ANKLE2: variants seen among roughly 807,000 people sequenced by gnomAD.
ANKLE2 encodes ankyrin repeat and LEM domain containing 2.
ANKLE2 carries 55 observed loss-of-function variants against 84.2 expected under a neutral mutation model. That is an observed-to-expected ratio of 0.65 (90% CI 0.53 to 0.82). The LOEUF is 0.82. Ranked by LOEUF, ANKLE2 falls within the 40% of genes least tolerant of loss-of-function variation. The probability of loss-of-function intolerance (pLI) is 0.00; values close to 1 mark genes in which losing one functional copy is unlikely to be tolerated. For missense variants in ANKLE2, 1,238 were observed against 1,201.9 expected, an observed-to-expected ratio of 1.03 and a Z score of -0.44; for synonymous variants, 551 against 486.1, an observed-to-expected ratio of 1.13 and a Z score of -1.76.
intron 5 of ANKLE2, among the ~76,000 whole-genome samples, 187 bp downstream of exon 5, chr12:132,747,645 G>C (rs1287607702): frequency 6.6e-6 from 1 of 152,224 alleles, no homozygotes. Context: ...AGGGGCCAGG[G>C]AACCCCAGCG....
At position 132,729,683 on chromosome 12, in the gene ANKLE2, AAAGG is replaced by A; in HGVS notation, c.2475_2478del (p.Phe827GlufsTer51). On this transcript the variant is annotated frameshift_variant, in exon 11 of 13. Coordinates refer to ENST00000357997, the MANE Select transcript of ANKLE2 (RefSeq NM_015114.3). LOFTEE classifies it high-confidence loss of function. ...CAGAGGGCAACACACTCCTACCCAA[AAAGG>A]AAGAGCCGCCTGGCCGGTTCCCTGG... 6.3e-7 allele frequency: 1 copy of A among 1,599,506 alleles called. No individual in the cohort carries two copies. The highest frequency in any genetic ancestry group is 1.4e-5 in the African/African-American group (1 of 71,626).
At chr12:132,739,118 TGAG>T (rs2044071152) in intron 7 of ANKLE2, among the ~76,000 whole-genome samples, 2 of 151,422 alleles carry the variant, frequency 1.3e-5, no homozygotes, top group South Asian at 2.1e-4. Context: ...GTGGAGGGAG[TGAG>T]GAGGAGGGAG....
intron 5 of ANKLE2, among the ~76,000 whole-genome samples, chr12:132,744,628 T>A (rs555936159): frequency 4.5e-4 from 69 of 152,258 alleles, no homozygotes; most frequent in Non-Finnish European, 8.2e-4. Flanking sequence ...CTGTACTCCA[T>A]CCTTCTGTCC....
At chr12:132,755,545 CAA>C (rs575972417) in intron 1 of ANKLE2, 10 of 107,582 alleles carry the variant, frequency 9.3e-5, no homozygotes, top group Non-Finnish European at 7.8e-5. Flanking sequence ...AACTCCAGCT[CAA>C]AAAAAAAAAA....
At chr12:132,735,260 G>A in intron 9 of ANKLE2, 146 bp downstream of exon 9, 3 of 734,732 alleles carry the variant, frequency 4.1e-6, no homozygotes, top group Non-Finnish European at 7.0e-6. Flanking sequence ...ACATCCACAA[G>A]GAATTAGACC....
At chr12:132,741,534 C>G in intron 6 of ANKLE2, 49 bp from the exon 7 acceptor site, 1 of 1,533,636 alleles carries the variant, frequency 6.5e-7, no homozygotes, top group East Asian at 2.2e-5. Flanking sequence ...GCAACATTTC[C>G]TTATCATTAC....
chr12:132,747,999 T>A lies in ANKLE2; in HGVS notation c.1063A>T (p.Met355Leu). 1.2e-6 allele frequency: 2 copies of A among 1,600,062 alleles called. No homozygotes were observed. The highest frequency in any genetic ancestry group is 1.7e-6 in the Non-Finnish European group (2 of 1,176,116). ...TGGTTCTCTTTGGCAGCAACATGCA[T>A]CACGTTGTACCTGCACCCTTCCTGA... ...IVQEGCRYNVMHVAAKENQAS... is the reference protein window; with the variant it reads ...IVQEGCRYNVLHVAAKENQAS... The change falls in exon 5 of 13, where the codon ATG becomes TTG. Residue 355 changes from methionine (M) to leucine (L), a missense_variant. Around this residue, in one of 3 missense-constraint regions of ANKLE2, gnomAD observed 802 missense variants for 774.5 expected, o/e 1.04. Coordinates refer to ENST00000357997, the MANE Select transcript of ANKLE2 (RefSeq NM_015114.3).
chr12:132,733,734 G>A (rs1261822693), intron 10 of ANKLE2, among the ~76,000 whole-genome samples: 5 of 152,272 alleles, frequency 3.3e-5, no homozygotes, highest in South Asian at 2.1e-4. Context: ...GATACGCACC[G>A]TGCAAGGCGC....
chr12:132,746,150 C>T (rs543456512), intron 5 of ANKLE2, among the ~76,000 whole-genome samples: 1 of 152,262 alleles, frequency 6.6e-6, no homozygotes, highest in South Asian at 2.1e-4. Context: ...AGATGGAGAC[C>T]ATCCTGGCTA....
chr12:132,735,518 A>T lies in ANKLE2; in HGVS notation c.1594-6T>A. On this transcript the variant is annotated splice_region_variant and splice_polypyrimidine_tract_variant and intron_variant, in intron 8 of 12. Transcript: ENST00000357997. Reference sequence around the variant, plus strand: ...AGCTTGCGAAAATCTTCTGCCTATGAAGAAAAAAAAATGTATTGAGCCGTG... The same window carrying T: ...AGCTTGCGAAAATCTTCTGCCTATGTAGAAAAAAAAATGTATTGAGCCGTG... 6.2e-7 allele frequency: 1 copy of T among 1,610,696 alleles called. No individual in the cohort carries two copies. Among genetic ancestry groups the T allele is most frequent in the Non-Finnish European group, 8.5e-7 (1 of 1,178,864 alleles).
intron 5 of ANKLE2, among the ~76,000 whole-genome samples, chr12:132,747,437 G>A (rs1282147920): frequency 6.6e-6 from 1 of 152,038 alleles, no homozygotes; most frequent in Non-Finnish European, 1.5e-5. Context: ...TGGTTTGCAG[G>A]GGCAGCTCTG....
chr12:132,750,221 A>AG (rs1469965838), intron 3 of ANKLE2, among the ~76,000 whole-genome samples: 6 of 150,964 alleles, frequency 4.0e-5, no homozygotes, highest in Middle Eastern at 3.4e-3. Context: ...AAAAAAAAAA[A>AG]AAAGAAAAAG....
At chr12:132,727,913 C>A in intron 12 of ANKLE2, 119 bp downstream of exon 12, 20 of 1,378,506 alleles carry the variant, frequency 1.5e-5, no homozygotes, top group Non-Finnish European at 2.0e-5. Flanking sequence ...CACAGCCTGG[C>A]TGACGGGCCT....
At chr12:132,746,031 G>A (rs1329122947) in intron 5 of ANKLE2, among the ~76,000 whole-genome samples, 1 of 152,192 alleles carries the variant, frequency 6.6e-6, no homozygotes. Context: ...GAAATACTGA[G>A]CCAAAGCCCA....
chr12:132,728,116 C>A lies in ANKLE2; in HGVS notation c.2531G>T (p.Cys844Phe), dbSNP rs758789657. 3.1e-6 allele frequency: 5 copies of A among 1,613,052 alleles called. No homozygotes were observed. In the South Asian group the frequency reaches 4.4e-5, roughly 14 times the overall value. Residue 844 changes from cysteine (C) to phenylalanine (F), a missense_variant, in exon 12 of 13, where the codon TGT becomes TTT. Transcript: ENST00000357997. ...GAACTGATGGGGGTCGACGTCTGCA[C>A]ATTCAAGAGCGGCCAAAACATCCTG... ...LDQDVLAALE[C>F]ADVDPHQFPA...
rs376144886 is a variant in ANKLE2 at position 132,734,421 on chromosome 12, G to A, written c.1855C>T (p.Arg619Trp). 17 of 1,613,990 alleles carry A rather than the reference G, an allele frequency of 1.1e-5. No individual in the cohort carries two copies. Among genetic ancestry groups the A allele is most frequent in the Admixed American group, 3.3e-5 (2 of 59,982 alleles). ...GKKAQQETGE[R>W]EASCRDKATT... Reference sequence around the variant, plus strand: ...GCTTTATCTCGGCAGGAGGCTTCCCGTTCTCCTGTTTCTTGTTGAGCCTTT... The same window carrying A: ...GCTTTATCTCGGCAGGAGGCTTCCCATTCTCCTGTTTCTTGTTGAGCCTTT... The change falls in exon 10 of 13, where the codon CGG becomes TGG. Residue 619 changes from arginine (R) to tryptophan (W), a missense_variant. By Grantham distance (101) the Arg-to-Trp change is moderately radical (BLOSUM62 -3). Around this residue, in one of 3 missense-constraint regions of ANKLE2, gnomAD observed 802 missense variants for 774.5 expected, o/e 1.04. Transcript: ENST00000357997.
intron 3 of ANKLE2, among the ~76,000 whole-genome samples, chr12:132,749,919 AG>A (rs1390032708): frequency 6.6e-6 from 1 of 152,204 alleles, no homozygotes; most frequent in African/African-American, 2.4e-5. Flanking sequence ...CTGTCATCCC[AG>A]CACTTTGGGA....
chr12:132,749,948 C>T (rs946832071), intron 3 of ANKLE2, among the ~76,000 whole-genome samples: 26 of 152,134 alleles, frequency 1.7e-4, no homozygotes, highest in African/African-American at 5.8e-4. Context: ...ATGGGAGGAT[C>T]ACTTGATGCC....
intron 2 of ANKLE2, among the ~76,000 whole-genome samples, chr12:132,753,451 C>T (rs934330878): frequency 6.6e-5 from 10 of 151,600 alleles, no homozygotes; most frequent in African/African-American, 1.7e-4. Context: ...GGCAACGTGG[C>T]GAAACCCCGC....
Sources: allele counts gnomAD v4.1 joint callset (sites outside exome capture counted in the v4.1 genomes callset), GRCh38; gene constraint gnomAD v4.1.1; regional missense constraint gnomAD v4.1.1; transcripts MANE v1.5; gene names NCBI Gene and HGNC (gene_info 2026-07-23, HGNC 2026-07-21).